Variants in PIGB observed in about 807,000 individuals in gnomAD.
PIGB encodes the protein GPI alpha-1,2-mannosyltransferase 3.
Under a neutral mutation model 68.4 loss-of-function variants are expected in PIGB, and 58 were observed. The ratio of observed to expected loss-of-function variants is 0.85; its 90% CI spans 0.69 to 1.06. The LOEUF is 1.06. PIGB is among the 50% of genes least tolerant of loss of function. The pLI, the probability that PIGB is intolerant of heterozygous loss-of-function variation, is 0.00. For synonymous variants in PIGB, 219 were observed against 220.5 expected, an observed-to-expected ratio of 0.99 and a Z score of 0.06; for missense variants, 634 against 655.8, an observed-to-expected ratio of 0.97 and a Z score of 0.36.
In PIGB at chr15:55,355,352, C is replaced by A; in HGVS notation, c.1585C>A (p.Pro529Thr). The A allele has an allele frequency of 6.2e-7, 1 of 1,610,132 alleles. No individual in the cohort carries two copies. Among genetic ancestry groups the A allele is most frequent in the Non-Finnish European group, 8.5e-7 (1 of 1,176,700 alleles). The change falls in exon 12 of 12, where the codon CCA (proline) becomes ACA (threonine). Residue 529 changes from proline (P) to threonine (T), a missense_variant. Physicochemically the swap from Pro to Thr is conservative, Grantham distance 38. Coordinates refer to ENST00000164305, the MANE Select transcript of PIGB (RefSeq NM_004855.5). ...RTAVFFHTHL[P>T]EGRIGSHIYV... is the part of the protein sequence containing the mutation. Reference sequence around the variant, plus strand: ...TGCTGTTTTCTTCCACACTCACTTGCCAGAGGGTCGAATTGGAAGTCACAT... The same window carrying A: ...TGCTGTTTTCTTCCACACTCACTTGACAGAGGGTCGAATTGGAAGTCACAT...
chr15:55,351,873 C>CCAAA (rs2055930905), intron 10 of PIGB: 1 of 55,036 alleles, frequency 1.8e-5, no homozygotes, highest in South Asian at 1.1e-3. Flanking sequence ...ACTCTGTCTC[C>CCAAA]AAAAAAAAAA....
intron 5 of PIGB, among the ~76,000 whole-genome samples, chr15:55,332,472 G>A (rs34848296): frequency 0.32 from 47,800 of 151,052 alleles, 8,421 homozygotes; most frequent in East Asian, 0.56. Context: ...CCAGGTTCAA[G>A]TGATTCTCCT....
chr15:55,352,978 A>G (rs1045837855), intron 10 of PIGB, among the ~76,000 whole-genome samples: 4 of 152,218 alleles, frequency 2.6e-5, no homozygotes, highest in East Asian at 3.8e-4. Flanking sequence ...ACCACAGGCT[A>G]AAAGGAAGAC....
chr15:55,355,100 A>G, intron 11 of PIGB, 122 bp downstream of exon 11: 1 of 946,304 alleles, frequency 1.1e-6, no homozygotes, highest in East Asian at 2.6e-5. Context: ...TTTCATAATT[A>G]GTCTTTTCTC....
intron 6 of PIGB, among the ~76,000 whole-genome samples, chr15:55,336,851 AT>A (rs1169433700): frequency 6.6e-6 from 1 of 152,120 alleles, no homozygotes; most frequent in Non-Finnish European, 1.5e-5. Flanking sequence ...TTAGCTGGGC[AT>A]TGTGGCACAT....
intron 6 of PIGB, among the ~76,000 whole-genome samples, chr15:55,337,659 C>T (rs914515664): frequency 6.6e-6 from 1 of 152,154 alleles, no homozygotes; most frequent in Admixed American, 6.5e-5. Context: ...TACCTTAGGG[C>T]CCACCAATTC....
rs187951367 is a variant in PIGB at position 55,319,419 on chromosome 15, T to C, written c.163+6T>C. 4 of 1,550,978 alleles carry C rather than the reference T, an allele frequency of 2.6e-6. No individual in the cohort carries two copies. In the Admixed American group the frequency reaches 7.8e-5, roughly 30 times the overall value. Reference sequence around the variant, plus strand: ...GAGCGCCAGGCGCCGCGGGGGTGAGTGAGGGGACACTGTCTGGAGAGCTCC... The same window carrying C: ...GAGCGCCAGGCGCCGCGGGGGTGAGCGAGGGGACACTGTCTGGAGAGCTCC... On this transcript the variant is annotated splice_donor_region_variant and intron_variant, in intron 1 of 11. Coordinates refer to ENST00000164305, the MANE Select transcript of PIGB (RefSeq NM_004855.5).
intron 5 of PIGB, among the ~76,000 whole-genome samples, chr15:55,330,063 T>C (rs148787301): frequency 4.0e-4 from 61 of 152,272 alleles, no homozygotes; most frequent in African/African-American, 1.4e-3. Flanking sequence ...TGCAAAGGTT[T>C]AGACAATATT....
At chr15:55,321,153 A>G in intron 2 of PIGB, 120 bp from the exon 3 acceptor site, 1 of 729,934 alleles carries the variant, frequency 1.4e-6, no homozygotes, top group Non-Finnish European at 2.1e-6. Context: ...TAGAGGCAGG[A>G]CCACTTGAGC....
chr15:55,326,746 A>T lies in PIGB; in HGVS notation c.418-785A>T, dbSNP rs530739588. Among the ~76,000 whole-genome samples, 55 of 152,238 alleles carry T rather than the reference A, an allele frequency of 3.6e-4. 1 individual carries two copies. Among genetic ancestry groups the T allele is most frequent in the East Asian group, 7.7e-4 (4 of 5,182 alleles). ...GCCGGGCGTGGGAGGCTGAGGCAGG[A>T]GAATGGCGTGAACCCGGGAGGCGGA... On this transcript the variant is annotated intron_variant, in intron 3 of 11. Transcript: ENST00000164305.
intron 9 of PIGB, among the ~76,000 whole-genome samples, chr15:55,342,725 T>A (rs2055699775): frequency 6.6e-6 from 1 of 152,264 alleles, no homozygotes; most frequent in Admixed American, 6.5e-5. Context: ...AATTAACTCC[T>A]GATTTTATTC....
intron 3 of PIGB, 46 bp from the exon 4 acceptor site, chr15:55,327,485 C>A (rs750749950): frequency 7.9e-7 from 1 of 1,266,772 alleles, no homozygotes; most frequent in Non-Finnish European, 1.1e-6. Flanking sequence ...TCAGTTTGAA[C>A]CAACAGATAT....
At chr15:55,348,940 T>C (rs1380396404) in intron 9 of PIGB, among the ~76,000 whole-genome samples, 1 of 152,208 alleles carries the variant, frequency 6.6e-6, no homozygotes, top group East Asian at 1.9e-4. Flanking sequence ...GTTGAACTTT[T>C]AGAATCCTAT....
chr15:55,330,509 T>G (rs2055389852), intron 5 of PIGB, among the ~76,000 whole-genome samples: 1 of 152,004 alleles, frequency 6.6e-6, no homozygotes, highest in African/African-American at 2.4e-5. Flanking sequence ...GAACTGTAAA[T>G]GGGCTCCATT....
At chr15:55,326,828 C>T (rs1034939185) in intron 3 of PIGB, among the ~76,000 whole-genome samples, 3 of 152,038 alleles carry the variant, frequency 2.0e-5, no homozygotes, top group Admixed American at 1.3e-4. Flanking sequence ...CAGAGCGATA[C>T]GTCTCATAAA....
intron 9 of PIGB, among the ~76,000 whole-genome samples, chr15:55,347,772 G>A (rs1026470863): frequency 3.3e-5 from 5 of 152,010 alleles, no homozygotes; most frequent in Non-Finnish European, 7.4e-5. Flanking sequence ...CCTAAAATGA[G>A]CTAAGCTCAG....
intron 3 of PIGB, 70 bp downstream of exon 3, chr15:55,321,460 T>C (rs1300881528): frequency 7.5e-7 from 1 of 1,327,032 alleles, no homozygotes; most frequent in Non-Finnish European, 1.0e-6. Context: ...CTACTGTTGC[T>C]GAAGTCCAGC....
intron 10 of PIGB, among the ~76,000 whole-genome samples, chr15:55,354,231 C>G (rs1260781667): frequency 1.3e-5 from 2 of 151,802 alleles, no homozygotes; most frequent in Non-Finnish European, 2.9e-5. Context: ...AGGAGAATTG[C>G]TGGGAGGTGG....
intron 3 of PIGB, among the ~76,000 whole-genome samples, chr15:55,321,999 A>G (rs1394350511): frequency 6.7e-6 from 1 of 148,478 alleles, no homozygotes; most frequent in Non-Finnish European, 1.5e-5. Flanking sequence ...ACACAGAGAA[A>G]CCGCGTCTCT....
Sources: allele counts gnomAD v4.1 joint callset (sites outside exome capture counted in the v4.1 genomes callset), GRCh38; gene constraint gnomAD v4.1.1; transcripts MANE v1.5; gene names NCBI Gene and HGNC (gene_info 2026-07-23, HGNC 2026-07-21).